TRPC7: variants seen among roughly 807,000 people sequenced by gnomAD.
TRPC7 encodes the protein transient receptor potential cation channel subfamily C member 7.
Under a neutral mutation model 90.1 loss-of-function variants are expected in TRPC7, and 42 were observed. The observed-to-expected ratio is 0.47, with a 90% CI of 0.36 to 0.60. TRPC7 has a LOEUF of 0.60. Ranked by LOEUF, TRPC7 falls within the 20% of genes least tolerant of loss-of-function variation. TRPC7 has a pLI of 0.00. For synonymous variants in TRPC7, 451 were observed against 436.3 expected, an observed-to-expected ratio of 1.03 and a Z score of -0.42; for missense variants, 955 against 1,112.3, an observed-to-expected ratio of 0.86 and a Z score of 2.01.
chr5:136,216,176 G>A (rs772933261), intron 11 of TRPC7, 24 bp downstream of exon 11: 4 of 1,596,422 alleles, frequency 2.5e-6, no homozygotes, highest in East Asian at 2.2e-5. Context: ...AAATCACCAC[G>A]TGGGTGGAAA....
intron 7 of TRPC7, among the ~76,000 whole-genome samples, chr5:136,237,824 T>C (rs115044569): frequency 0.015 from 2,223 of 152,282 alleles, 44 homozygotes; most frequent in African/African-American, 0.044. Flanking sequence ...TGCAATAGGC[T>C]CCAATATCTG....
At chr5:136,359,824 A>T (rs891259495) in intron 1 of TRPC7, among the ~76,000 whole-genome samples, 1 of 152,124 alleles carries the variant, frequency 6.6e-6, no homozygotes, top group Admixed American at 6.5e-5. Context: ...AAGAAGACTA[A>T]TAATAATCTT....
chr5:136,225,407 C>T, intron 9 of TRPC7, 53 bp from the exon 10 acceptor site: 1 of 1,539,528 alleles, frequency 6.5e-7, no homozygotes, highest in Non-Finnish European at 8.9e-7. Flanking sequence ...ATACATGCAT[C>T]CCTACATATC....
At chr5:136,237,326 T>C (rs1330647778) in intron 7 of TRPC7, among the ~76,000 whole-genome samples, 1 of 152,216 alleles carries the variant, frequency 6.6e-6, no homozygotes, top group Non-Finnish European at 1.5e-5. Context: ...TAGATTTATT[T>C]ATACTGAGGG....
intron 3 of TRPC7, among the ~76,000 whole-genome samples, chr5:136,282,301 T>G (rs1757572508): frequency 6.6e-6 from 1 of 152,194 alleles, no homozygotes; most frequent in Admixed American, 6.5e-5. Flanking sequence ...GATGAAGGAA[T>G]CAGAGGGAAC....
chr5:136,333,483 C>T (rs1421675357), intron 2 of TRPC7, among the ~76,000 whole-genome samples: 2 of 152,188 alleles, frequency 1.3e-5, no homozygotes, highest in Non-Finnish European at 2.9e-5. Flanking sequence ...GGAGATTGGA[C>T]TTTATAACAT....
intron 7 of TRPC7, among the ~76,000 whole-genome samples, chr5:136,241,269 A>C (rs1342860407): frequency 1.3e-5 from 2 of 152,256 alleles, no homozygotes; most frequent in Non-Finnish European, 1.5e-5. Context: ...TTTTGATTAG[A>C]AAACTCTCAA....
intron 2 of TRPC7, among the ~76,000 whole-genome samples, chr5:136,317,790 G>C (rs1001614609): frequency 6.6e-6 from 1 of 152,206 alleles, no homozygotes; most frequent in Non-Finnish European, 1.5e-5. Context: ...GGGTATAGGA[G>C]AGAAAGTGAA....
At position 136,272,074 on chromosome 5, in the gene TRPC7, G is replaced by A. The variant is rs992624468; in HGVS notation, c.1128+2599C>T. Among the ~76,000 whole-genome samples the A allele has an allele frequency of 3.3e-5, 5 of 152,202 alleles. No homozygotes were observed. The East Asian group carries it at 9.6e-4, about 29-fold the overall frequency. Reference sequence around the variant, plus strand: ...ATTTACTAGACATTGATGGGCATTAGTTAGTTGACGAAGTTTGCAAGTGAC... The same window carrying A: ...ATTTACTAGACATTGATGGGCATTAATTAGTTGACGAAGTTTGCAAGTGAC... On this transcript the variant is annotated intron_variant, in intron 4 of 11. Transcript: ENST00000513104.
intron 7 of TRPC7, among the ~76,000 whole-genome samples, chr5:136,232,523 G>A (rs1212427438): frequency 1.3e-5 from 2 of 152,222 alleles, no homozygotes; most frequent in South Asian, 4.1e-4. Context: ...ATCACCAGGT[G>A]ATTGCCCAAA....
chr5:136,316,552 G>A (rs529730757), intron 2 of TRPC7, among the ~76,000 whole-genome samples: 4 of 152,212 alleles, frequency 2.6e-5, no homozygotes, highest in East Asian at 3.9e-4. Flanking sequence ...TTGTTGTTTC[G>A]TATTTTTAAT....
At position 136,365,291 on chromosome 5, in the gene TRPC7, TG is replaced by T. The variant is rs1294547333; in HGVS notation, c.-38del. ...TACGCAGGCTTGTTCCTCCTCTAGA[TG>T]ACCGGAATCCGGTGTTGAGTCGCCA... On this transcript the variant is annotated 5_prime_UTR_variant, in exon 1 of 12. An upstream open reading frame in the 5' UTR loses its in-frame stop. Coordinates refer to ENST00000513104, the MANE Select transcript of TRPC7 (RefSeq NM_020389.3). 2 of 1,537,098 alleles carry T rather than the reference TG, an allele frequency of 1.3e-6. No homozygotes were observed. Among genetic ancestry groups the T allele is most frequent in the Non-Finnish European group, 1.7e-6 (2 of 1,146,804 alleles).
At chr5:136,226,778 A>C (rs948553915) in intron 8 of TRPC7, among the ~76,000 whole-genome samples, 2 of 152,256 alleles carry the variant, frequency 1.3e-5, no homozygotes, top group African/African-American at 4.8e-5. Flanking sequence ...AATTAATTTT[A>C]GTAATATATT....
chr5:136,225,281 C>A lies in TRPC7; in HGVS notation c.2336G>T (p.Arg779Ile). The stretch of plus-strand genomic sequence containing the variant: ...TGGGAAAGGGGTGGTTACCTGGTAT[C>A]TGGTGGGCTTGCTCAAAGTGTTATT... ...TANNTLSKPTRYQKIMKRLIK... is the reference protein window; with the variant it reads ...TANNTLSKPTIYQKIMKRLIK... The change falls in exon 10 of 12, where the codon AGA becomes ATA. Residue 779 changes from arginine to isoleucine, a missense_variant. Physicochemically the swap from Arg to Ile is moderately conservative, Grantham distance 97 (BLOSUM62 -3). This residue lies in a region of TRPC7 where 296 missense variants were observed against 422.7 expected (regional missense o/e 0.70). Coordinates refer to ENST00000513104, the MANE Select transcript of TRPC7 (RefSeq NM_020389.3). 2 of 1,613,078 alleles carry A rather than the reference C, an allele frequency of 1.2e-6. No individual in the cohort carries two copies. The highest frequency in any genetic ancestry group is 8.5e-7 in the Non-Finnish European group (1 of 1,179,624).
intron 10 of TRPC7, among the ~76,000 whole-genome samples, chr5:136,217,866 A>C (rs1472857093): frequency 1.3e-5 from 2 of 151,438 alleles, no homozygotes; most frequent in Non-Finnish European, 2.9e-5. Context: ...AAAATACAAA[A>C]ATTAGCTGGG....
Position 136,216,218 on chromosome 5 carries a change from T to C in TRPC7, c.2401A>G (p.Asn801Asp). 1 of 1,613,260 alleles carries C rather than the reference T, an allele frequency of 6.2e-7. No homozygotes were observed. Among genetic ancestry groups the C allele is most frequent in the Non-Finnish European group, 8.5e-7 (1 of 1,179,626 alleles). Residue 801 changes from asparagine (N) to aspartate (D), a missense_variant, in exon 11 of 12, where the codon AAT becomes GAT. Transcript: ENST00000513104. ...YVLKAQVDRE[N>D]DEVNEGELKE... ...CATTTACCTTCATTGACTTCGTCAT[T>C]TTCTCTGTCCACCTGGGCTTTCAGG...
chr5:136,357,492 T>C, intron 1 of TRPC7, 107 bp from the exon 2 acceptor site: 1 of 1,141,462 alleles, frequency 8.8e-7, no homozygotes, highest in Non-Finnish European at 1.2e-6. Context: ...TGGAATCTTA[T>C]GAGGAATTGT....
Position 136,357,087 on chromosome 5 carries a change from CCTT to C in TRPC7, c.298_300del (p.Lys100del). On this transcript the variant is annotated inframe_deletion, in exon 2 of 12. Coordinates refer to ENST00000513104, the MANE Select transcript of TRPC7 (RefSeq NM_020389.3). ...GCGTCCCCCACCCGTGCCAGGTTCT[CCTT>C]CTTCAGCAGCAGCTCCGTGACCTCT... 3 of 1,614,032 alleles carry C rather than the reference CCTT, an allele frequency of 1.9e-6. No homozygotes were observed. The highest frequency in any genetic ancestry group is 1.7e-5 in the Admixed American group (1 of 60,030).
At chr5:136,299,265 C>T (rs549358320) in intron 3 of TRPC7, among the ~76,000 whole-genome samples, 1 of 150,110 alleles carries the variant, frequency 6.7e-6, no homozygotes, top group Non-Finnish European at 1.5e-5. Flanking sequence ...CACACCATTG[C>T]ACTTCAGCCT....
Sources: gnomAD v4.1 joint callset for allele counts (sites outside exome capture counted in the v4.1 genomes callset) on GRCh38, gnomAD v4.1.1 for gene constraint, gnomAD v4.1.1 regional missense constraint, MANE v1.5 for transcripts, NCBI Gene and HGNC (gene_info 2026-07-23, HGNC 2026-07-21) for gene names.